ERGIC2: variants seen among roughly 807,000 people sequenced by gnomAD.
ERGIC2 encodes endoplasmic reticulum-Golgi intermediate compartment protein 2.
A neutral mutation model predicts 52.5 loss-of-function variants in ERGIC2; 31 were observed. The observed-to-expected ratio is 0.59, with a 90% CI of 0.44 to 0.80. ERGIC2 has a LOEUF of 0.80. ERGIC2 is among the 30% of genes least tolerant of loss of function. ERGIC2 has a pLI of 0.00. For synonymous variants in ERGIC2, 129 were observed against 140.6 expected (o/e 0.92, Z 0.58); for missense variants, 395 against 455.2 (o/e 0.87, Z 1.20).
At chr12:29,352,826 A>G (rs185037044) in intron 8 of ERGIC2, among the ~76,000 whole-genome samples, 2 of 135,662 alleles carry the variant, frequency 1.5e-5, no homozygotes, top group Non-Finnish European at 3.4e-5. Flanking sequence ...TTCAAATTTA[A>G]CCTGTTCTTT....
chr12:29,366,807 C>T, intron 5 of ERGIC2, 70 bp downstream of exon 5: 1 of 798,602 alleles, frequency 1.3e-6, no homozygotes, highest in South Asian at 2.0e-5. Flanking sequence ...AAACTAAAAG[C>T]AACTATCTGT....
At chr12:29,342,308 C>T (rs903085662) in intron 12 of ERGIC2, among the ~76,000 whole-genome samples, 6 of 152,324 alleles carry the variant, frequency 3.9e-5, no homozygotes, top group Middle Eastern at 3.4e-3. Flanking sequence ...GCCACTGCAC[C>T]GGGCCTAAAC....
intron 5 of ERGIC2, among the ~76,000 whole-genome samples, chr12:29,364,868 T>C (rs555909233): frequency 2.0e-5 from 3 of 150,658 alleles, no homozygotes; most frequent in Admixed American, 1.3e-4. Flanking sequence ...ATATCAGTAA[T>C]CATAAGAGAA....
chr12:29,378,131 G>C (rs1244661625), intron 1 of ERGIC2, among the ~76,000 whole-genome samples: 1 of 152,170 alleles, frequency 6.6e-6, no homozygotes, highest in Non-Finnish European at 1.5e-5. Context: ...CTGGATCAGG[G>C]TGCTCCAAAA....
intron 11 of ERGIC2, among the ~76,000 whole-genome samples, 184 bp downstream of exon 11, chr12:29,345,259 A>G (rs1459264143): frequency 6.6e-6 from 1 of 152,240 alleles, no homozygotes; most frequent in African/African-American, 2.4e-5. Context: ...TTTAGAATAT[A>G]CTAATATTCA....
At chr12:29,359,787 T>C (rs1253554358) in intron 6 of ERGIC2, among the ~76,000 whole-genome samples, 1 of 151,522 alleles carries the variant, frequency 6.6e-6, no homozygotes, top group Non-Finnish European at 1.5e-5. Context: ...TAAAGAAAAA[T>C]TTTTTGGAAT....
chr12:29,360,845 C>T (rs1308584679), intron 6 of ERGIC2, among the ~76,000 whole-genome samples: 1 of 151,576 alleles, frequency 6.6e-6, no homozygotes, highest in Admixed American at 6.6e-5. Flanking sequence ...CCCTGGGCCA[C>T]ACTGTAAGAA....
intron 4 of ERGIC2, among the ~76,000 whole-genome samples, chr12:29,367,317 A>G (rs992871548): frequency 2.0e-5 from 3 of 151,848 alleles, no homozygotes; most frequent in African/African-American, 7.2e-5. Context: ...TGAACAAAAT[A>G]TTAATTCCAA....
rs1940371088 is a variant in ERGIC2, at chr12:29,366,897, C to G, written c.313G>C (p.Asp105His). The change falls in exon 5 of 14, where the codon GAT (aspartate) becomes CAT (histidine). Residue 105 changes from aspartate to histidine, a missense_variant. Coordinates refer to ENST00000360150, the MANE Select transcript of ERGIC2 (RefSeq NM_016570.3). Reference protein sequence around the residue: ...DLAETMVASADGLVYEPTVFD... With the variant: ...DLAETMVASAHGLVYEPTVFD... ...CTTACTGGTTCATAAACTAAACCAT[C>G]TGCAGATGCAACCATTGTTTCTGCT... 6.2e-7 allele frequency: 1 copy of G among 1,603,600 alleles called. No individual in the cohort carries two copies.
chr12:29,357,447 T>C (rs1940223759), intron 7 of ERGIC2, among the ~76,000 whole-genome samples, 176 bp downstream of exon 7: 1 of 152,244 alleles, frequency 6.6e-6, no homozygotes, highest in South Asian at 2.1e-4. Flanking sequence ...GTGATAATTC[T>C]GATCAAAATC....
chr12:29,361,046 AG>A (rs1271919927), intron 6 of ERGIC2, among the ~76,000 whole-genome samples: 1 of 152,206 alleles, frequency 6.6e-6, no homozygotes, highest in Non-Finnish European at 1.5e-5. Flanking sequence ...CAGGAGTTCA[AG>A]ACCAGCCTAG....
chr12:29,361,546 A>G (rs1279912930), intron 6 of ERGIC2, 99 bp downstream of exon 6: 11 of 852,740 alleles, frequency 1.3e-5, no homozygotes, highest in Non-Finnish European at 1.7e-5. Context: ...AATTCATCCA[A>G]AGAAATCCCT....
intron 7 of ERGIC2, among the ~76,000 whole-genome samples, chr12:29,357,126 C>T (rs1285211549): frequency 2.0e-5 from 3 of 152,024 alleles, no homozygotes; most frequent in Admixed American, 6.6e-5. Context: ...ACCCACCACA[C>T]CCAGCTAATT....
At position 29,337,755 on chromosome 12, in the gene ERGIC2, G is replaced by C. The variant is rs939541936; in HGVS notation, c.*3401C>G. On this transcript the variant is annotated 3_prime_UTR_variant, in exon 14 of 14. Transcript: ENST00000360150. ...GTAACTTTTAAACAATCAAAAATAG[G>C]CATTTTGAATTCAAGTGTAAGCTCT... is the stretch of plus-strand genomic sequence containing the variant. 1 of 152,240 alleles carries C rather than the reference G, an allele frequency of 6.6e-6. No individual in the cohort carries two copies. Among genetic ancestry groups the C allele is most frequent in the East Asian group, 1.9e-4 (1 of 5,182 alleles). 9.4% of individuals were successfully genotyped at this position (152,240 alleles called of 1,614,324 possible).
intron 1 of ERGIC2, chr12:29,372,664 TC>T (rs71042990): frequency 0.14 from 20,426 of 149,020 alleles, 1,497 homozygotes; most frequent in Middle Eastern, 0.23. Context: ...CTTTTTTTTT[TC>T]TTTTTTTGAG....
intron 8 of ERGIC2, 113 bp downstream of exon 8, chr12:29,356,269 C>T (rs1263921033): frequency 1.3e-5 from 8 of 619,918 alleles, no homozygotes; most frequent in Non-Finnish European, 2.3e-5. Context: ...GTGATCCACC[C>T]GCCTCAGCCT....
chr12:29,377,283 G>A (rs1174013501), intron 1 of ERGIC2, among the ~76,000 whole-genome samples: 1 of 152,166 alleles, frequency 6.6e-6, no homozygotes, highest in African/African-American at 2.4e-5. Flanking sequence ...GAAAGTCACT[G>A]ATAACAGCTG....
At chr12:29,345,250 T>G (rs1291631732) in intron 11 of ERGIC2, among the ~76,000 whole-genome samples, 193 bp downstream of exon 11, 1 of 152,230 alleles carries the variant, frequency 6.6e-6, no homozygotes, top group Non-Finnish European at 1.5e-5. Context: ...TTTTATTGCT[T>G]TAGAATATAC....
chr12:29,362,660 T>C (rs1020171767), intron 5 of ERGIC2, among the ~76,000 whole-genome samples: 19 of 152,184 alleles, frequency 1.2e-4, no homozygotes, highest in Admixed American at 1.2e-3. Context: ...TTTGATTTTT[T>C]AATTTAATTA....
Sources: gnomAD v4.1 joint callset for allele counts (sites outside exome capture counted in the v4.1 genomes callset) on GRCh38, gnomAD v4.1.1 for gene constraint, MANE v1.5 for transcripts, NCBI Gene and HGNC (gene_info 2026-07-23, HGNC 2026-07-21) for gene names.